CADPS2: variants seen among roughly 807,000 people sequenced by gnomAD.
The protein encoded by CADPS2 is calcium-dependent secretion activator 2.
In CADPS2, 93 loss-of-function variants were observed where a neutral mutation model predicts 172.5. That is an observed-to-expected ratio of 0.54 (90% CI 0.46 to 0.64). The LOEUF (loss-of-function observed/expected upper bound fraction) is 0.64, where lower values mean the gene tolerates loss of function less well. CADPS2 is among the 30% of genes least tolerant of loss of function. The pLI, the probability that CADPS2 is intolerant of heterozygous loss-of-function variation, is 0.00. For missense variants in CADPS2, 1,420 were observed against 1,565.9 expected (o/e 0.91, Z 1.57); for synonymous variants, 546 against 555.2 (o/e 0.98, Z 0.23).
chr7:122,836,534 CAT>C (rs1441528024), intron 1 of CADPS2, among the ~76,000 whole-genome samples: 1 of 152,114 alleles, frequency 6.6e-6, no homozygotes, highest in Non-Finnish European at 1.5e-5. Flanking sequence ...TCAGGAGACA[CAT>C]CTCACGTGCA....
At chr7:122,330,317 T>G (rs905335379) in intron 28 of CADPS2, among the ~76,000 whole-genome samples, 23 of 152,304 alleles carry the variant, frequency 1.5e-4, no homozygotes, top group African/African-American at 5.5e-4. Flanking sequence ...TATAAGCCAT[T>G]CTTCAGGATC....
chr7:122,723,566 T>G, intron 2 of CADPS2, among the ~76,000 whole-genome samples: 1 of 152,162 alleles, frequency 6.6e-6, no homozygotes, highest in Non-Finnish European at 1.5e-5. Flanking sequence ...AGGAACACTT[T>G]CACACTGCTG....
At chr7:122,588,895 T>C (rs1331463281) in intron 6 of CADPS2, among the ~76,000 whole-genome samples, 2 of 152,024 alleles carry the variant, frequency 1.3e-5, no homozygotes, top group East Asian at 3.9e-4. Context: ...GAAAATAGGA[T>C]AGTGAGTTGA....
intron 8 of CADPS2, among the ~76,000 whole-genome samples, chr7:122,536,577 T>A (rs1458224829): frequency 6.6e-6 from 1 of 151,940 alleles, no homozygotes; most frequent in African/African-American, 2.4e-5. Flanking sequence ...GGAGAAAAAA[T>A]AAGCACACAA....
At chr7:122,813,848 A>G (rs1366225728) in intron 1 of CADPS2, among the ~76,000 whole-genome samples, 2 of 152,076 alleles carry the variant, frequency 1.3e-5, no homozygotes, top group African/African-American at 2.4e-5. Context: ...TTTTTCAAAT[A>G]TCTTCCCTTA....
intron 27 of CADPS2, among the ~76,000 whole-genome samples, chr7:122,360,216 T>C (rs2008683419): frequency 6.6e-6 from 1 of 152,222 alleles, no homozygotes; most frequent in South Asian, 2.1e-4. Flanking sequence ...CACAACTTGT[T>C]GGTTATGTTT....
At chr7:122,603,162 C>T (rs2073031358) in intron 6 of CADPS2, among the ~76,000 whole-genome samples, 1 of 152,004 alleles carries the variant, frequency 6.6e-6, no homozygotes, top group African/African-American at 2.4e-5. Flanking sequence ...AGGCATTATT[C>T]ATTTTGAAAA....
chr7:122,429,538 A>G (rs2151881021), intron 17 of CADPS2, among the ~76,000 whole-genome samples: 1 of 152,250 alleles, frequency 6.6e-6, no homozygotes, highest in Non-Finnish European at 1.5e-5. Context: ...AGAAATGGTC[A>G]CAGAGGTTTT....
intron 17 of CADPS2, among the ~76,000 whole-genome samples, chr7:122,419,648 C>G (rs1409161758): frequency 6.6e-6 from 1 of 152,070 alleles, no homozygotes; most frequent in Non-Finnish European, 1.5e-5. Context: ...AAGCACTGAA[C>G]CAGATAATTT....
chr7:122,783,489 TG>T (rs1274068492), intron 1 of CADPS2, among the ~76,000 whole-genome samples: 5 of 152,118 alleles, frequency 3.3e-5, no homozygotes, highest in African/African-American at 4.8e-5. Flanking sequence ...GCACCAGCTG[TG>T]GGGGTGTCTG....
chr7:122,592,729 T>C (rs1229534440), intron 6 of CADPS2, among the ~76,000 whole-genome samples: 1 of 149,142 alleles, frequency 6.7e-6, no homozygotes, highest in Admixed American at 6.9e-5. Context: ...GAGCAAACTA[T>C]CACAAGGACA....
intron 8 of CADPS2, among the ~76,000 whole-genome samples, chr7:122,549,202 G>C (rs993667671): frequency 6.6e-6 from 1 of 152,072 alleles, no homozygotes; most frequent in Non-Finnish European, 1.5e-5. Flanking sequence ...TTTGAGTCCA[G>C]CCTGGGCAAC....
chr7:122,836,342 C>G lies in CADPS2; in HGVS notation c.339+49657G>C, dbSNP rs552527689. Among the ~76,000 whole-genome samples the G allele has an allele frequency of 2.2e-3, 337 of 152,220 alleles. 2 individuals carry two copies. The highest frequency in any genetic ancestry group is 3.5e-3 in the Non-Finnish European group (236 of 68,004). On this transcript the variant is annotated intron_variant, in intron 1 of 29. Transcript: ENST00000449022. The stretch of plus-strand genomic sequence containing the variant: ...GCAAAAACATGCCAAATTGTAAAGA[C>G]CACCGAGGCTGGGAAGAAACTGCAT...
intron 1 of CADPS2, among the ~76,000 whole-genome samples, chr7:122,803,375 C>T (rs1454856516): frequency 6.6e-6 from 1 of 152,180 alleles, no homozygotes; most frequent in African/African-American, 2.4e-5. Flanking sequence ...CAAAACCTCC[C>T]TAAATTCTCA....
At chr7:122,380,675 A>C (rs2042894673) in intron 24 of CADPS2, among the ~76,000 whole-genome samples, 1 of 152,154 alleles carries the variant, frequency 6.6e-6, no homozygotes, top group South Asian at 2.1e-4. Flanking sequence ...TTTCTGTGTG[A>C]GTCTGAGTGT....
At chr7:122,560,380 T>C (rs536057035) in intron 7 of CADPS2, among the ~76,000 whole-genome samples, 2 of 152,288 alleles carry the variant, frequency 1.3e-5, no homozygotes, top group East Asian at 3.9e-4. Flanking sequence ...ATAGGTAACA[T>C]TTAGTAAAAC....
chr7:122,808,361 C>G (rs1799273034), intron 1 of CADPS2, among the ~76,000 whole-genome samples: 1 of 152,194 alleles, frequency 6.6e-6, no homozygotes, highest in African/African-American at 2.4e-5. Flanking sequence ...TTTGCAATAT[C>G]AAAGTATAGC....
chr7:122,796,997 G>A (rs1477069390), intron 1 of CADPS2, among the ~76,000 whole-genome samples: 2 of 150,412 alleles, frequency 1.3e-5, no homozygotes, highest in African/African-American at 4.9e-5. Context: ...CGTCTATAAA[G>A]AACTTAAATT....
intron 27 of CADPS2, among the ~76,000 whole-genome samples, chr7:122,350,962 A>G (rs983286990): frequency 6.6e-6 from 1 of 152,074 alleles, no homozygotes; most frequent in Non-Finnish European, 1.5e-5. Flanking sequence ...CTCTGTCTCT[A>G]AAAATAATTT....
Sources: allele counts gnomAD v4.1 joint callset (sites outside exome capture counted in the v4.1 genomes callset), GRCh38; gene constraint gnomAD v4.1.1; transcripts MANE v1.5; gene names NCBI Gene and HGNC (gene_info 2026-07-23, HGNC 2026-07-21).